Variants in PCDH15 observed in about 807,000 individuals in gnomAD.
PCDH15 encodes protocadherin related 15, also known as protocadherin-15.
A neutral mutation model predicts 178.5 loss-of-function variants in PCDH15; 129 were observed. The observed-to-expected ratio is 0.72, with a 90% CI of 0.63 to 0.84. PCDH15 has a LOEUF of 0.84. Ranked by LOEUF, PCDH15 falls within the 40% of genes least tolerant of loss-of-function variation. The pLI, the probability that PCDH15 is intolerant of heterozygous loss-of-function variation, is 0.00. For synonymous variants in PCDH15, 800 were observed against 732.0 expected (o/e 1.09, Z -1.50); for missense variants, 2,230 against 2,099.9 (o/e 1.06, Z -1.21).
intron 6 of PCDH15, among the ~76,000 whole-genome samples, chr10:54,330,118 G>A (rs1362585598): frequency 1.3e-5 from 2 of 151,576 alleles, no homozygotes; most frequent in Non-Finnish European, 2.9e-5. Flanking sequence ...TGTCAACATT[G>A]ATATCCATTC....
intron 8 of PCDH15, among the ~76,000 whole-genome samples, chr10:54,284,934 T>C (rs2058942183): frequency 6.6e-6 from 1 of 152,120 alleles, no homozygotes; most frequent in Non-Finnish European, 1.5e-5. Flanking sequence ...GCCCAAAGAC[T>C]AAATAAAGTA....
chr10:55,168,517 C>T (rs1369096928), intron 1 of PCDH15, among the ~76,000 whole-genome samples: 1 of 152,132 alleles, frequency 6.6e-6, no homozygotes, highest in Non-Finnish European at 1.5e-5. Context: ...AGATATTCCC[C>T]TAGGGGTTCT....
At chr10:54,279,401 T>C (rs1215913248) in intron 8 of PCDH15, among the ~76,000 whole-genome samples, 2 of 151,676 alleles carry the variant, frequency 1.3e-5, no homozygotes, top group East Asian at 1.9e-4. Context: ...TGCACAAATA[T>C]GTAGTTATGC....
upstream of PCDH15, among the ~76,000 whole-genome samples, chr10:55,320,635 C>T (rs2132299110): frequency 6.6e-6 from 1 of 152,256 alleles, no homozygotes; most frequent in African/African-American, 2.4e-5. Flanking sequence ...AGCCAGGGGC[C>T]TGATGCCACC....
At chr10:54,264,756 G>A (rs2057559010) in intron 8 of PCDH15, among the ~76,000 whole-genome samples, 1 of 151,924 alleles carries the variant, frequency 6.6e-6, no homozygotes, top group South Asian at 2.1e-4. Flanking sequence ...AAGAAATATG[G>A]GATTATGTAA....
intron 6 of PCDH15, among the ~76,000 whole-genome samples, chr10:54,343,650 G>GA (rs950556972): frequency 2.1e-5 from 3 of 145,490 alleles, no homozygotes; most frequent in Non-Finnish European, 4.5e-5. Flanking sequence ...TTTGCGGGGG[G>GA]AGGTGGGAGG....
intron 2 of PCDH15, among the ~76,000 whole-genome samples, chr10:54,539,851 A>T (rs1254763224): frequency 6.6e-6 from 1 of 152,172 alleles, no homozygotes; most frequent in Non-Finnish European, 1.5e-5. Context: ...TATAACAAGA[A>T]TATCTCTCAA....
intron 4 of PCDH15, among the ~76,000 whole-genome samples, chr10:54,370,504 C>G (rs567903642): frequency 1.3e-5 from 2 of 151,894 alleles, no homozygotes; most frequent in African/African-American, 4.8e-5. Flanking sequence ...CAGTAACCAG[C>G]CCTATGCCTA....
intron 1 of PCDH15, among the ~76,000 whole-genome samples, chr10:55,257,678 G>A (rs371074883): frequency 1.3e-5 from 2 of 152,102 alleles, no homozygotes; most frequent in African/African-American, 2.4e-5. Context: ...AGAGAAAAAA[G>A]AATAAAAAGA....
chr10:54,490,881 T>C (rs1406938932), intron 3 of PCDH15, among the ~76,000 whole-genome samples: 1 of 152,182 alleles, frequency 6.6e-6, no homozygotes, highest in East Asian at 1.9e-4. Flanking sequence ...TCACCTTTCC[T>C]TAAGTCAGAT....
At chr10:55,428,075 T>C (rs1300380739) in intron 2 of PCDH15, among the ~76,000 whole-genome samples, 1 of 152,044 alleles carries the variant, frequency 6.6e-6, no homozygotes, top group African/African-American at 2.4e-5. Flanking sequence ...AAATGTGGTC[T>C]ATTTTAGCTT....
chr10:54,812,711 C>G (rs1952884944), intron 3 of PCDH15, among the ~76,000 whole-genome samples: 3 of 152,074 alleles, frequency 2.0e-5, no homozygotes, highest in Admixed American at 6.6e-5. Context: ...CCTGCCTCGG[C>G]CTCCCAAAGT....
At chr10:54,709,011 C>A (rs2095398303) in intron 1 of PCDH15, among the ~76,000 whole-genome samples, 1 of 152,022 alleles carries the variant, frequency 6.6e-6, no homozygotes, top group Admixed American at 6.6e-5. Flanking sequence ...AAAGTGAGTG[C>A]CTTAGTTTTA....
intron 3 of PCDH15, among the ~76,000 whole-genome samples, chr10:54,380,687 C>T (rs1163874267): frequency 4.1e-5 from 3 of 72,798 alleles, no homozygotes; most frequent in African/African-American, 1.2e-4. Flanking sequence ...TATATATATG[C>T]TCCATATATA....
Position 54,214,008 on chromosome 10 carries a change from A to C in PCDH15, c.1026T>G (p.Pro342=), listed in dbSNP as rs1209298999. The change falls in exon 10 of 38, where the codon CCT becomes CCG. Residue 342 remains proline, a synonymous_variant. Coordinates refer to ENST00000644397, the MANE Select transcript of PCDH15 (RefSeq NM_001384140.1). The stretch of plus-strand genomic sequence containing the variant: ...CCAGGAGACTAAGTTCTGCTGTCCT[A>C]GGATGCATATGGAAAAATCGTGGGT... ...EDYPRFFHMH[P]RTAELSLLEP... 1.9e-6 allele frequency: 3 copies of C among 1,611,520 alleles called. No homozygotes were observed. In the Admixed American group the frequency reaches 5.0e-5, roughly 27 times the overall value.
At position 55,230,787 on chromosome 10, in the gene PCDH15, T is replaced by C. The variant is rs112270532; in HGVS notation, c.-155-64136A>G. ...CTGTAATAGAAAGAGAGACTAAAAT[T>C]GGAAAAATTATGGAAACCAGAAAAA... On this transcript the variant is annotated intron_variant, in intron 1 of 5. Transcript: ENST00000458638. Among the ~76,000 whole-genome samples the C allele has an allele frequency of 1.7e-3, 265 of 152,066 alleles. 4 individuals are homozygous for C. The highest frequency in any genetic ancestry group is 6.1e-3 in the African/African-American group (254 of 41,468).
chr10:54,821,529 A>G, intron 3 of PCDH15, among the ~76,000 whole-genome samples: 1 of 152,150 alleles, frequency 6.6e-6, no homozygotes, highest in Admixed American at 6.6e-5. Flanking sequence ...AAATCACAAT[A>G]TATAGAAAAA....
At chr10:53,909,656 G>A (rs1477799490) in intron 25 of PCDH15, among the ~76,000 whole-genome samples, 1 of 152,152 alleles carries the variant, frequency 6.6e-6, no homozygotes, top group East Asian at 1.9e-4. Flanking sequence ...GGGACTGGTT[G>A]GACAGAGGGT....
chr10:55,568,688 G>A (rs917342553), intron 2 of PCDH15, among the ~76,000 whole-genome samples: 1 of 151,960 alleles, frequency 6.6e-6, no homozygotes, highest in African/African-American at 2.4e-5. Context: ...ATGAAATATA[G>A]TTAATTTAAT....
Sources: gnomAD v4.1 joint callset for allele counts (sites outside exome capture counted in the v4.1 genomes callset) on GRCh38, gnomAD v4.1.1 for gene constraint, MANE v1.5 for transcripts, NCBI Gene and HGNC (gene_info 2026-07-23, HGNC 2026-07-21) for gene names.